CACNA1D: variants seen among roughly 807,000 people sequenced by gnomAD.
CACNA1D encodes the protein calcium voltage-gated channel subunit alpha1 D.
CACNA1D carries 55 observed loss-of-function variants against 257.1 expected under a neutral mutation model. That is an observed-to-expected ratio of 0.21 (90% CI 0.17 to 0.27). The LOEUF is 0.27. CACNA1D is among the 10% of genes least tolerant of loss of function. CACNA1D has a pLI of 1.00. For synonymous variants in CACNA1D, 980 were observed against 1,014.9 expected (o/e 0.97, Z 0.65); for missense variants, 1,876 against 2,784.0 (o/e 0.67, Z 7.34).
rs1171210107 is a variant in CACNA1D at position 53,723,759 on chromosome 3, G to A, written c.1893-33G>A. ...ATGTTCTGCTCTGTCCTGCATGGGT[G>A]TTCTGAGCTGACACCCTCATCTTGA... On this transcript the variant is annotated intron_variant, in intron 13 of 47. Coordinates refer to ENST00000350061, the MANE Select transcript of CACNA1D (RefSeq NM_001128840.3). The surrounding 1 kb of genome is among the most constrained non-coding windows in gnomAD (Gnocchi z 5.6). 3 of 1,598,482 alleles carry A rather than the reference G, an allele frequency of 1.9e-6. No individual in the cohort carries two copies. The highest frequency in any genetic ancestry group is 2.6e-6 in the Non-Finnish European group (3 of 1,165,900).
rs186670216 is a variant in CACNA1D at position 53,496,666 on chromosome 3, T to C, written c.68-486T>C. On this transcript the variant is annotated intron_variant, in intron 1 of 47. Coordinates refer to ENST00000350061, the MANE Select transcript of CACNA1D (RefSeq NM_001128840.3). The stretch of plus-strand genomic sequence containing the variant: ...AAATGCATTTGTGGCTGTGGAAAGA[T>C]GTTGGAGTAACACTCTGAAAATGAT... Among the ~76,000 whole-genome samples the C allele has an allele frequency of 3.9e-5, 6 of 152,308 alleles. No individual in the cohort carries two copies. In the South Asian group the frequency reaches 6.2e-4, roughly 16 times the overall value.
chr3:53,624,490 T>C (rs1377266896), intron 3 of CACNA1D, among the ~76,000 whole-genome samples: 1 of 152,192 alleles, frequency 6.6e-6, no homozygotes, highest in Non-Finnish European at 1.5e-5. Context: ...GTGCTGAGCC[T>C]TTCCCAGCCA....
At chr3:53,696,109 G>A (rs576697142) in intron 8 of CACNA1D, among the ~76,000 whole-genome samples, 1 of 152,264 alleles carries the variant, frequency 6.6e-6, no homozygotes, top group East Asian at 1.9e-4. Flanking sequence ...GACCACAGGT[G>A]CATGCCATTG....
At chr3:53,567,502 T>TCC (rs2092866163) in intron 3 of CACNA1D, among the ~76,000 whole-genome samples, 1 of 152,180 alleles carries the variant, frequency 6.6e-6, no homozygotes, top group African/African-American at 2.4e-5. Context: ...CCTTGTGACC[T>TCC]TAAAGAATTC....
chr3:53,747,186 C>A, intron 25 of CACNA1D, 116 bp from the exon 26 acceptor site: 2 of 738,414 alleles, frequency 2.7e-6, no homozygotes, highest in Non-Finnish European at 4.7e-6. Context: ...GTGTGACAGG[C>A]GGGCGGACTG....
At chr3:53,655,018 T>C (rs867019257) in intron 4 of CACNA1D, among the ~76,000 whole-genome samples, 26 of 152,298 alleles carry the variant, frequency 1.7e-4, no homozygotes, top group Middle Eastern at 3.4e-3. Context: ...TTTCTTTGTG[T>C]CCATGTGTTC....
chr3:53,717,244 C>T (rs1280026876), intron 9 of CACNA1D, among the ~76,000 whole-genome samples: 1 of 152,190 alleles, frequency 6.6e-6, no homozygotes, highest in East Asian at 1.9e-4. Context: ...CAGAATTAAT[C>T]CTTCTTTACT....
intron 29 of CACNA1D, 80 bp from the exon 30 acceptor site, chr3:53,761,918 T>A (rs1194408139): frequency 1.0e-6 from 1 of 991,292 alleles, no homozygotes; most frequent in Admixed American, 1.7e-5. Flanking sequence ...CGGCAGGGAC[T>A]CGGATTCGCC....
chr3:53,616,380 A>G lies in CACNA1D; in HGVS notation c.484-34399A>G, dbSNP rs184229268. 1.3e-3 allele frequency among the ~76,000 whole-genome samples: 194 copies of G among 152,282 alleles called. 2 individuals carry two copies. Among genetic ancestry groups the G allele is most frequent in the South Asian group, 6.8e-3 (33 of 4,824 alleles). ...CAACATTGTGGAGAGAAGGCTAGAAAAGGAATGAGGAAGAGGTTGACATTC... is the reference window on the plus strand; with the variant it reads ...CAACATTGTGGAGAGAAGGCTAGAAGAGGAATGAGGAAGAGGTTGACATTC... On this transcript the variant is annotated intron_variant, in intron 3 of 47. Coordinates refer to ENST00000350061, the MANE Select transcript of CACNA1D (RefSeq NM_001128840.3).
At chr3:53,590,376 A>G (rs1298377552) in intron 3 of CACNA1D, among the ~76,000 whole-genome samples, 1 of 152,162 alleles carries the variant, frequency 6.6e-6, no homozygotes, top group East Asian at 1.9e-4. Context: ...TCCAGCCTAT[A>G]CTTAGGATTG....
At chr3:53,506,124 C>T (rs1421351780) in intron 3 of CACNA1D, among the ~76,000 whole-genome samples, 1 of 152,290 alleles carries the variant, frequency 6.6e-6, no homozygotes, top group East Asian at 1.9e-4. Context: ...ATCATCAAGA[C>T]TGTGTCTTTG....
intron 3 of CACNA1D, among the ~76,000 whole-genome samples, chr3:53,508,932 A>C (rs747449039): frequency 6.6e-6 from 1 of 152,162 alleles, no homozygotes; most frequent in Non-Finnish European, 1.5e-5. Flanking sequence ...ACAGATGTGC[A>C]GAAGGGAGGG....
At chr3:53,594,530 T>C (rs970778044) in intron 3 of CACNA1D, among the ~76,000 whole-genome samples, 1 of 152,128 alleles carries the variant, frequency 6.6e-6, no homozygotes, top group Non-Finnish European at 1.5e-5. Context: ...CAGGAGGTGA[T>C]TTAGAGAGCA....
At chr3:53,806,903 G>A (rs1014463825) in intron 45 of CACNA1D, among the ~76,000 whole-genome samples, 5 of 152,024 alleles carry the variant, frequency 3.3e-5, no homozygotes, top group African/African-American at 7.3e-5. Context: ...TGCCTTCCTC[G>A]GGCCTCGGCC....
At chr3:53,580,108 C>T (rs2093106274) in intron 3 of CACNA1D, among the ~76,000 whole-genome samples, 1 of 152,172 alleles carries the variant, frequency 6.6e-6, no homozygotes, top group African/African-American at 2.4e-5. Flanking sequence ...CTTCTCTGCT[C>T]CTGCATCCTT....
At chr3:53,650,515 T>C (rs916543505) in intron 3 of CACNA1D, among the ~76,000 whole-genome samples, 4 of 152,238 alleles carry the variant, frequency 2.6e-5, no homozygotes, top group Non-Finnish European at 5.9e-5. Context: ...ATCACACGCA[T>C]TGGGGCAGTT....
chr3:53,588,179 G>A (rs976305733), intron 3 of CACNA1D, among the ~76,000 whole-genome samples: 1 of 152,234 alleles, frequency 6.6e-6, no homozygotes, highest in Admixed American at 6.5e-5. Context: ...TGGGGCAAGA[G>A]CTATGTGGTG....
At position 53,708,875 on chromosome 3, in the gene CACNA1D, T is replaced by C. The variant is rs2094719831; in HGVS notation, c.1390+6065T>C. Among the ~76,000 whole-genome samples the C allele has an allele frequency of 2.0e-5, 3 of 152,316 alleles. No individual in the cohort carries two copies. The South Asian group carries it at 6.2e-4, about 32-fold the overall frequency. ...ATGACACAGACCGCATGCATATAGC[T>C]TCCACCCTAAGATGCCCAACACAGG... On this transcript the variant is annotated intron_variant, in intron 9 of 47. Coordinates refer to ENST00000350061, the MANE Select transcript of CACNA1D (RefSeq NM_001128840.3).
intron 3 of CACNA1D, among the ~76,000 whole-genome samples, chr3:53,609,477 T>C (rs2093556634): frequency 6.6e-6 from 1 of 152,094 alleles, no homozygotes; most frequent in African/African-American, 2.4e-5. Flanking sequence ...GATTTTCTGT[T>C]TCTCTTCATC....
Sources: allele counts gnomAD v4.1 joint callset (sites outside exome capture counted in the v4.1 genomes callset), GRCh38; gene constraint gnomAD v4.1.1; non-coding constraint Gnocchi (gnomAD v3.1); transcripts MANE v1.5; gene names NCBI Gene and HGNC (gene_info 2026-07-23, HGNC 2026-07-21).